The following FER variants were observed in gnomAD, a reference collection of about 807,000 sequenced individuals.
FER encodes the protein tyrosine-protein kinase Fer.
In FER, 63 loss-of-function variants were observed where a neutral mutation model predicts 111.0. The ratio of observed to expected loss-of-function variants is 0.57; its 90% CI spans 0.46 to 0.70. The LOEUF (loss-of-function observed/expected upper bound fraction) is 0.70, where lower values mean the gene tolerates loss of function less well. FER is among the 30% of genes least tolerant of loss of function. The pLI is 0.00. For missense variants in FER, 914 were observed against 954.0 expected, an observed-to-expected ratio of 0.96 and a Z score of 0.55; for synonymous variants, 327 against 313.9, an observed-to-expected ratio of 1.04 and a Z score of -0.44.
At position 109,189,447 on chromosome 5, in the gene FER, T is replaced by TAATA. The variant is rs1267169805; in HGVS notation, c.*1873_*1876dup. ...CACCAGTACTTTAGAGTATGAAAGA[T>TAATA]AATACTGAAGAGAAAAGTGACTTGT... On this transcript the variant is annotated 3_prime_UTR_variant, in exon 20 of 20. Coordinates refer to ENST00000281092, the MANE Select transcript of FER (RefSeq NM_005246.4). 1 of 152,246 alleles carries TAATA rather than the reference T, an allele frequency of 6.6e-6. No homozygotes were observed. The highest frequency in any genetic ancestry group is 6.5e-5 in the Admixed American group (1 of 15,288). 9.4% of individuals were successfully genotyped at this position (152,246 alleles called of 1,614,324 possible). A position where few individuals can be genotyped will look rare whatever the true frequency, so the allele number is the denominator to read the frequency against.
At chr5:108,943,700 A>T (rs1281162705) in intron 10 of FER, among the ~76,000 whole-genome samples, 1 of 151,860 alleles carries the variant, frequency 6.6e-6, no homozygotes, top group Non-Finnish European at 1.5e-5. Context: ...TAATTTAGGT[A>T]TTTTTTTAAT....
At chr5:109,043,999 A>G (rs1466568694) in intron 14 of FER, among the ~76,000 whole-genome samples, 3 of 152,094 alleles carry the variant, frequency 2.0e-5, no homozygotes, top group Non-Finnish European at 4.4e-5. Flanking sequence ...AGTTTGCATA[A>G]TATGATTATA....
At chr5:108,956,120 A>G (rs1444537061) in intron 12 of FER, among the ~76,000 whole-genome samples, 1 of 151,724 alleles carries the variant, frequency 6.6e-6, no homozygotes, top group Non-Finnish European at 1.5e-5. Context: ...ACATTCATAC[A>G]TCTAACCTAC....
chr5:108,769,087 A>G (rs1445368716), intron 2 of FER, among the ~76,000 whole-genome samples: 2 of 152,128 alleles, frequency 1.3e-5, no homozygotes, highest in African/African-American at 4.8e-5. Context: ...TCAGCCTCCT[A>G]AAGTGCTGGG....
intron 10 of FER, among the ~76,000 whole-genome samples, chr5:108,918,200 G>A (rs554750633): frequency 6.6e-6 from 1 of 152,272 alleles, no homozygotes; most frequent in South Asian, 2.1e-4. Context: ...TCACATTGCA[G>A]GGGAAGCAAA....
intron 5 of FER, among the ~76,000 whole-genome samples, chr5:108,855,814 G>A (rs1762953527): frequency 6.6e-6 from 1 of 152,016 alleles, no homozygotes; most frequent in Admixed American, 6.6e-5. Context: ...AGTAGTACAG[G>A]GAAAACCCTA....
intron 13 of FER, among the ~76,000 whole-genome samples, chr5:108,985,375 C>T (rs1375844399): frequency 1.3e-5 from 2 of 151,826 alleles, no homozygotes; most frequent in South Asian, 2.1e-4. Flanking sequence ...TTTGTTTTTT[C>T]GTGCATTTAA....
At chr5:108,895,232 A>G (rs28521452) in intron 9 of FER, among the ~76,000 whole-genome samples, 33,905 of 152,106 alleles carry the variant, frequency 0.22, 3,943 homozygotes, top group African/African-American at 0.27. Flanking sequence ...TCAAAATTTT[A>G]ACTTTTTATA....
intron 17 of FER, among the ~76,000 whole-genome samples, chr5:109,107,215 A>C (rs770446482): frequency 5.6e-4 from 85 of 152,202 alleles, no homozygotes; most frequent in Non-Finnish European, 1.0e-3. Flanking sequence ...TTTTGGATTC[A>C]GAATGTCAAA....
chr5:108,823,700 T>C (rs977429099), intron 3 of FER, among the ~76,000 whole-genome samples: 10 of 152,186 alleles, frequency 6.6e-5, no homozygotes, highest in African/African-American at 2.4e-4. Context: ...AGATATATAA[T>C]TTGCAAATAT....
intron 16 of FER, among the ~76,000 whole-genome samples, chr5:109,053,611 C>T (rs1016511824): frequency 6.6e-6 from 1 of 151,228 alleles, no homozygotes; most frequent in East Asian, 1.9e-4. Flanking sequence ...TTTTTTTCCA[C>T]TAAGTATAAT....
intron 3 of FER, among the ~76,000 whole-genome samples, chr5:108,826,418 T>C (rs2150118056): frequency 6.6e-6 from 1 of 152,246 alleles, no homozygotes; most frequent in East Asian, 1.9e-4. Context: ...TTTTTTCCAA[T>C]TTATTTTTAT....
At chr5:109,059,508 C>T (rs1774107578) in intron 16 of FER, among the ~76,000 whole-genome samples, 1 of 152,118 alleles carries the variant, frequency 6.6e-6, no homozygotes, top group Non-Finnish European at 1.5e-5. Flanking sequence ...AGCCTGGCGA[C>T]AGAGTGAGAC....
chr5:108,796,244 T>C (rs184626754), intron 2 of FER, among the ~76,000 whole-genome samples: 1 of 152,302 alleles, frequency 6.6e-6, no homozygotes, highest in Admixed American at 6.5e-5. Context: ...TCTCTCTCTT[T>C]TGAGTCACCT....
At chr5:108,794,466 A>G (rs1359598882) in intron 2 of FER, among the ~76,000 whole-genome samples, 12 of 148,678 alleles carry the variant, frequency 8.1e-5, no homozygotes, top group African/African-American at 3.0e-4. Flanking sequence ...TGATCCACCC[A>G]CCTTGGCCTC....
intron 16 of FER, chr5:109,052,531 G>A: frequency 1.4e-6 from 1 of 715,610 alleles, no homozygotes; most frequent in South Asian, 1.7e-5. Context: ...GGAGGATGAA[G>A]TAAAATGAAA....
chr5:109,104,492 A>G (rs921816861), intron 17 of FER, among the ~76,000 whole-genome samples: 3 of 152,140 alleles, frequency 2.0e-5, no homozygotes, highest in Admixed American at 1.3e-4. Context: ...AATCAGGGAA[A>G]CTTTGCAGAG....
At chr5:108,843,225 C>G (rs1243363369) in intron 5 of FER, among the ~76,000 whole-genome samples, 1 of 152,174 alleles carries the variant, frequency 6.6e-6, no homozygotes, top group African/African-American at 2.4e-5. Context: ...TCATCCAGGT[C>G]ACTGCAAATG....
At chr5:109,022,548 T>C (rs953765874) in intron 13 of FER, among the ~76,000 whole-genome samples, 5 of 152,236 alleles carry the variant, frequency 3.3e-5, no homozygotes, top group African/African-American at 9.6e-5. Flanking sequence ...ATTTAATGAT[T>C]TGTTGACTTG....
Sources: gnomAD v4.1 joint callset for allele counts (sites outside exome capture counted in the v4.1 genomes callset) on GRCh38, gnomAD v4.1.1 for gene constraint, MANE v1.5 for transcripts, NCBI Gene and HGNC (gene_info 2026-07-23, HGNC 2026-07-21) for gene names.